NTRK1: variants seen among roughly 807,000 people sequenced by gnomAD.
The protein encoded by NTRK1 is high affinity nerve growth factor receptor.
In NTRK1, 62 loss-of-function variants were observed where a neutral mutation model predicts 86.8. The observed-to-expected ratio is 0.71, with a 90% confidence interval of 0.58 to 0.88. NTRK1 has a LOEUF of 0.88. NTRK1 is among the 40% of genes least tolerant of loss of function. The probability of loss-of-function intolerance (pLI) is 0.00; values close to 1 mark genes in which losing one functional copy is unlikely to be tolerated. For missense variants in NTRK1, 967 were observed against 1,078.4 expected (o/e 0.90, Z 1.45); for synonymous variants, 469 against 456.6 (o/e 1.03, Z -0.35).
chr1:156,855,231 T>G (rs944787862), intron 2 of NTRK1, among the ~76,000 whole-genome samples: 1 of 152,008 alleles, frequency 6.6e-6, no homozygotes, highest in Non-Finnish European at 1.5e-5. Context: ...TGATATGGAG[T>G]CTCACTCTGT....
In NTRK1 at chr1:156,815,824, C is replaced by T. The variant is rs1653852223; in HGVS notation, c.-78C>T. 3.1e-6 allele frequency: 5 copies of T among 1,614,108 alleles called. 1 individual carries two copies. Among genetic ancestry groups the T allele is most frequent in the South Asian group, 2.2e-5 (2 of 91,078 alleles). On this transcript the variant is annotated 5_prime_UTR_variant, in exon 1 of 17. Transcript: ENST00000392302. ...GCAGTAAGGGAGTGAGTGGGCAACTCGGCGCATGAAGGAGGTACTCCTCAT... is the reference window on the plus strand; with the variant it reads ...GCAGTAAGGGAGTGAGTGGGCAACTTGGCGCATGAAGGAGGTACTCCTCAT...
At chr1:156,849,513 G>GGGGGGGGGGGGC in intron 2 of NTRK1, 3 of 486,120 alleles carry the variant, frequency 6.2e-6, no homozygotes, top group Non-Finnish European at 8.3e-6. Context: ...CAGGGGGTGG[G>GGGGGGGGGGGGC]AAAGGGGATG....
chr1:156,863,774 G>A (rs955104262), intron 1 of NTRK1, among the ~76,000 whole-genome samples: 6 of 152,172 alleles, frequency 3.9e-5, no homozygotes, highest in African/African-American at 1.2e-4. Context: ...CACAGGCTTC[G>A]TCTGTGCTGG....
chr1:156,842,353 G>C lies in NTRK1; in HGVS notation c.50+160G>C, dbSNP rs13376034. The C allele has an allele frequency of 2.7e-3, 4,379 of 1,612,550 alleles. 109 individuals carry two copies. The African/African-American group carries it at 0.05, about 19-fold the overall frequency. On this transcript the variant is annotated intron_variant, in intron 2 of 16. Coordinates refer to the NTRK1 transcript ENST00000392302. ...AGAACTGGCCCCCACCTCCCACACT[G>C]TGCCCAACCCTTCTTTCACTCCCCA...
rs778358870 is a variant in NTRK1 at position 156,876,442 on chromosome 1, C to T, written c.1675C>T (p.Arg559Cys). The change falls in exon 14 of 17, where the codon CGT becomes TGT. Residue 559 changes from arginine to cysteine, a missense_variant. Arg to Cys is a radical substitution (Grantham distance 180). Around this residue, in one of 2 missense-constraint regions of NTRK1, gnomAD observed 637 missense variants for 776.5 expected, o/e 0.82. Coordinates refer to ENST00000524377, the MANE Select transcript of NTRK1 (RefSeq NM_002529.4). The stretch of plus-strand genomic sequence containing the variant: ...CGAGAGTGCTCGGCAGGACTTCCAG[C>T]GTGAGGCTGAGCTGCTCACCATGCT... ...ASESARQDFQ[R>C]EAELLTMLQH... The T allele has an allele frequency of 4.3e-6, 7 of 1,613,850 alleles. No homozygotes were observed. The highest frequency in any genetic ancestry group is 1.6e-4 in the Middle Eastern group (1 of 6,062).
At chr1:156,845,030 T>G (rs764687354) in intron 2 of NTRK1, 62 of 1,566,874 alleles carry the variant, frequency 4.0e-5, no homozygotes, top group Non-Finnish European at 5.2e-5. Flanking sequence ...CACAGGGTCC[T>G]TGGGGTCGGT....
At chr1:156,867,106 G>A in intron 4 of NTRK1, 128 bp downstream of exon 4, 1 of 939,936 alleles carries the variant, frequency 1.1e-6, no homozygotes, top group East Asian at 2.5e-5. Flanking sequence ...TGGGGACTAT[G>A]TGCATGCCAG....
intron 1 of NTRK1, among the ~76,000 whole-genome samples, chr1:156,824,840 C>T (rs570185479): frequency 1.2e-4 from 18 of 152,278 alleles, no homozygotes; most frequent in Non-Finnish European, 2.2e-4. Flanking sequence ...CTGGGTTACA[C>T]GGCCCAGGAG....
At chr1:156,858,553 G>A (rs1425442056), upstream of NTRK1, 10 of 1,613,812 alleles carry the variant, frequency 6.2e-6, no homozygotes, top group Non-Finnish European at 8.5e-6. Context: ...CTGTATCCAG[G>A]CCAAATCCCA....
intron 1 of NTRK1, among the ~76,000 whole-genome samples, chr1:156,839,549 C>G (rs1427983969): frequency 6.6e-6 from 1 of 152,238 alleles, no homozygotes; most frequent in Non-Finnish European, 1.5e-5. Context: ...GCGATGAACA[C>G]TGAGATTCTG....
At chr1:156,870,063 G>A (rs543256652) in intron 6 of NTRK1, among the ~76,000 whole-genome samples, 299 of 152,344 alleles carry the variant, frequency 2.0e-3, no homozygotes, top group South Asian at 4.3e-3. Context: ...ACTAGCCACT[G>A]AGCAGTTCCT....
intron 2 of NTRK1, chr1:156,844,852 AG>A (rs750284242): frequency 6.2e-7 from 1 of 1,613,760 alleles, no homozygotes. Flanking sequence ...TCCTGCGGGA[AG>A]GGGCATCCAG....
chr1:156,823,340 G>C (rs7517728), intron 1 of NTRK1, among the ~76,000 whole-genome samples: 91,994 of 152,094 alleles, frequency 0.6, 29,512 homozygotes, highest in East Asian at 0.82. Flanking sequence ...GTTTTCCCCA[G>C]ATGGTGCCTT....
intron 1 of NTRK1, among the ~76,000 whole-genome samples, chr1:156,822,725 T>C (rs1388453653): frequency 6.6e-6 from 1 of 151,980 alleles, no homozygotes; most frequent in African/African-American, 2.4e-5. Context: ...AGTTAGCCCT[T>C]CATCTAGTTT....
In NTRK1 at chr1:156,843,102, C is replaced by T. The variant is rs776355999; in HGVS notation, c.50+909C>T. The T allele has an allele frequency of 6.0e-5, 97 of 1,614,056 alleles. 1 individual carries two copies. The highest frequency in any genetic ancestry group is 7.1e-5 in the Non-Finnish European group (84 of 1,180,042). On this transcript the variant is annotated intron_variant, in intron 2 of 16. Transcript: ENST00000392302. ...AGCTCATTCACCGTCTTCAGGGCCA[C>T]GGGTGTGGACTCCTCTCCAGCCTCA... is the stretch of plus-strand genomic sequence containing the variant.
At chr1:156,861,492 G>C (rs532293610) in intron 1 of NTRK1, among the ~76,000 whole-genome samples, 49 of 152,338 alleles carry the variant, frequency 3.2e-4, no homozygotes, top group African/African-American at 1.2e-3. Context: ...TACAGAGAAG[G>C]ATGGTTACCA....
chr1:156,854,984 T>C lies in NTRK1; in HGVS notation c.51-9370T>C, dbSNP rs1403205284. Among the ~76,000 whole-genome samples the C allele has an allele frequency of 6.6e-6, 1 of 152,200 alleles. No homozygotes were observed. The highest frequency in any genetic ancestry group is 2.4e-5 in the African/African-American group (1 of 41,438). On this transcript the variant is annotated intron_variant, in intron 2 of 16. Transcript: ENST00000392302. This position sits in a 1 kb window ranked among gnomAD's most constrained non-coding sequence, Gnocchi z 4.2. ...ATCCTTTTTATCATCTTCAGCCACA[T>C]TGACTTCTTTGCTTTTCCTTATATG...
chr1:156,826,454 C>A (rs1654319328), intron 1 of NTRK1, among the ~76,000 whole-genome samples: 1 of 151,944 alleles, frequency 6.6e-6, no homozygotes, highest in African/African-American at 2.4e-5. Context: ...GTGTCCACCA[C>A]TGTGCCCGGC....
At chr1:156,845,188 G>T in intron 2 of NTRK1, 17 of 1,609,332 alleles carry the variant, frequency 1.1e-5, no homozygotes, top group Non-Finnish European at 1.4e-5. Context: ...GGCGCAGGCC[G>T]CTCAGCACCG....
Sources: allele counts gnomAD v4.1 joint callset (sites outside exome capture counted in the v4.1 genomes callset), GRCh38; gene constraint gnomAD v4.1.1; regional missense constraint gnomAD v4.1.1; non-coding constraint Gnocchi (gnomAD v3.1); transcripts MANE v1.5; gene names NCBI Gene and HGNC (gene_info 2026-07-23, HGNC 2026-07-21).